Variants in LSAMP observed in about 807,000 individuals in gnomAD.
LSAMP encodes the protein limbic system associated membrane protein, also known as limbic system-associated membrane protein.
LSAMP carries 7 observed loss-of-function variants against 38.6 expected under a neutral mutation model. The observed-to-expected ratio is 0.18, with a 90% CI of 0.10 to 0.34. The LOEUF (loss-of-function observed/expected upper bound fraction) is 0.34. Ranked by LOEUF, LSAMP falls within the 10% of genes least tolerant of loss-of-function variation. The probability of loss-of-function intolerance (pLI) is 1.00; values close to 1 mark genes in which losing one functional copy is unlikely to be tolerated. For synonymous variants in LSAMP, 154 were observed against 166.8 expected, an observed-to-expected ratio of 0.92 and a Z score of 0.59; for missense variants, 313 against 420.0, an observed-to-expected ratio of 0.75 and a Z score of 2.23.
intron 1 of LSAMP, among the ~76,000 whole-genome samples, chr3:116,252,308 T>C (rs1373814389): frequency 6.6e-6 from 1 of 152,206 alleles, no homozygotes; most frequent in Non-Finnish European, 1.5e-5. Flanking sequence ...TGAAATGTGC[T>C]GGAGAAAGAA....
chr3:115,835,667 T>A (rs532025678), intron 6 of LSAMP, among the ~76,000 whole-genome samples: 2 of 152,222 alleles, frequency 1.3e-5, no homozygotes, highest in Non-Finnish European at 2.9e-5. Flanking sequence ...CCTACCATCT[T>A]GTGCCTTATG....
intron 1 of LSAMP, among the ~76,000 whole-genome samples, chr3:116,303,342 T>TAAAC (rs1334530868): frequency 6.6e-6 from 1 of 152,230 alleles, no homozygotes; most frequent in Non-Finnish European, 1.5e-5. Flanking sequence ...CTTCGGATTG[T>TAAAC]AAACATTGAA....
intron 3 of LSAMP, among the ~76,000 whole-genome samples, chr3:116,011,014 T>C (rs1940308148): frequency 6.9e-6 from 1 of 144,608 alleles, no homozygotes; most frequent in South Asian, 2.1e-4. Context: ...TAGTTTATGC[T>C]TTTTTTTGAG....
chr3:116,017,951 G>A (rs1940531870), intron 3 of LSAMP, among the ~76,000 whole-genome samples: 1 of 152,056 alleles, frequency 6.6e-6, no homozygotes, highest in Admixed American at 6.6e-5. Flanking sequence ...AGGTGGCATG[G>A]GATTGGAGCC....
chr3:116,250,096 T>C (rs2046659898), intron 1 of LSAMP, among the ~76,000 whole-genome samples: 2 of 152,320 alleles, frequency 1.3e-5, no homozygotes, highest in South Asian at 4.1e-4. Flanking sequence ...ATTATGTCTT[T>C]TGTTGTCCCA....
At chr3:115,926,831 T>C (rs1319882016) in intron 3 of LSAMP, among the ~76,000 whole-genome samples, 1 of 152,212 alleles carries the variant, frequency 6.6e-6, no homozygotes, top group African/African-American at 2.4e-5. Flanking sequence ...AATAGGACCA[T>C]CTCCCATCTC....
chr3:116,378,450 C>T (rs1403827715), intron 1 of LSAMP, among the ~76,000 whole-genome samples: 1 of 152,084 alleles, frequency 6.6e-6, no homozygotes, highest in Non-Finnish European at 1.5e-5. Context: ...AAACATCTCT[C>T]TCTCAAAGAG....
At chr3:115,923,416 G>A (rs533019498) in intron 3 of LSAMP, among the ~76,000 whole-genome samples, 1 of 152,262 alleles carries the variant, frequency 6.6e-6, no homozygotes, top group Admixed American at 6.5e-5. Context: ...CACCTATGGT[G>A]GTGCAACTTC....
chr3:116,440,028 T>C (rs1042951626), intron 1 of LSAMP, among the ~76,000 whole-genome samples: 1 of 152,244 alleles, frequency 6.6e-6, no homozygotes, highest in Admixed American at 6.5e-5. Context: ...GCTGACAGTT[T>C]CAGCATTTTG....
rs200802271 is a variant in LSAMP, at chr3:116,228,443, CA to C, written c.156-141888del. Among the ~76,000 whole-genome samples the C allele has an allele frequency of 6.5e-3, 993 of 152,090 alleles. 12 individuals carry two copies. The highest frequency in any genetic ancestry group is 0.023 in the African/African-American group (947 of 41,516). On this transcript the variant is annotated intron_variant, in intron 1 of 6. Transcript: ENST00000490035. ...AATGCCCAATCATGTCAACCTTAGACAAAATCACTAAATTCTCTGGATATCA... is the reference window on the plus strand; with the variant it reads ...AATGCCCAATCATGTCAACCTTAGACAAATCACTAAATTCTCTGGATATCA...
In LSAMP at chr3:115,867,783, C is replaced by G. The variant is rs1370957184; in HGVS notation, c.515-15166G>C. Among the ~76,000 whole-genome samples the G allele has an allele frequency of 2.6e-5, 4 of 152,072 alleles. No homozygotes were observed. The East Asian group carries it at 7.7e-4, about 29-fold the overall frequency. On this transcript the variant is annotated intron_variant, in intron 3 of 6. Coordinates refer to ENST00000490035, the MANE Select transcript of LSAMP (RefSeq NM_002338.5). The stretch of plus-strand genomic sequence containing the variant: ...AGAGATTTGTTTTGGTTGGTTGAGT[C>G]TAAAGTCTATTTGCTAAGAGACTTC...
intron 1 of LSAMP, among the ~76,000 whole-genome samples, chr3:116,097,935 A>G (rs1325944310): frequency 2.0e-5 from 3 of 151,922 alleles, no homozygotes; most frequent in Non-Finnish European, 2.9e-5. Flanking sequence ...GGGTTTCACT[A>G]TGTTGGTCAG....
intron 1 of LSAMP, among the ~76,000 whole-genome samples, chr3:116,087,894 GA>G (rs1465444879): frequency 1.3e-4 from 19 of 150,354 alleles, no homozygotes; most frequent in East Asian, 7.8e-4. Context: ...TTTAGAGGGA[GA>G]TTTTTTTTTT....
intron 1 of LSAMP, among the ~76,000 whole-genome samples, chr3:116,277,323 T>C (rs2047068499): frequency 6.6e-6 from 1 of 152,076 alleles, no homozygotes; most frequent in South Asian, 2.1e-4. Context: ...TGTTTGGTCC[T>C]AATAATTGTT....
At chr3:116,037,533 AATAAC>A (rs1169962242) in intron 2 of LSAMP, among the ~76,000 whole-genome samples, 1 of 152,172 alleles carries the variant, frequency 6.6e-6, no homozygotes, top group African/African-American at 2.4e-5. Flanking sequence ...AAGAGATAAA[AATAAC>A]ATTCCAATTT....
chr3:115,898,298 C>T (rs1222416918), intron 3 of LSAMP, among the ~76,000 whole-genome samples: 2 of 152,084 alleles, frequency 1.3e-5, no homozygotes, highest in Admixed American at 6.6e-5. Flanking sequence ...TTAATGTGAG[C>T]TGTACATTTC....
At chr3:116,286,535 A>C (rs2047196297) in intron 1 of LSAMP, among the ~76,000 whole-genome samples, 2 of 152,126 alleles carry the variant, frequency 1.3e-5, no homozygotes, top group African/African-American at 4.8e-5. Context: ...ATGTCCTCAG[A>C]TGAGGCTTCT....
At position 116,147,253 on chromosome 3, in the gene LSAMP, C is replaced by T. The variant is rs192221575; in HGVS notation, c.156-60697G>A. On this transcript the variant is annotated intron_variant, in intron 1 of 6. Coordinates refer to ENST00000490035, the MANE Select transcript of LSAMP (RefSeq NM_002338.5). ...AGCATGTGATGTGCTTATCCACATTCCTGTTACACACATCATCTCTGTGTT... is the reference window on the plus strand; with the variant it reads ...AGCATGTGATGTGCTTATCCACATTTCTGTTACACACATCATCTCTGTGTT... Among the ~76,000 whole-genome samples, 463 of 152,008 alleles carry T rather than the reference C, an allele frequency of 3.0e-3. 1 individual carries two copies. The highest frequency in any genetic ancestry group is 4.7e-3 in the Non-Finnish European group (317 of 67,892).
chr3:116,098,278 C>T (rs1052387680), intron 1 of LSAMP, among the ~76,000 whole-genome samples: 4 of 152,006 alleles, frequency 2.6e-5, no homozygotes, highest in Admixed American at 2.6e-4. Context: ...GCAGGAGGAT[C>T]ACCTGAGATC....
Sources: gnomAD v4.1 joint callset for allele counts (sites outside exome capture counted in the v4.1 genomes callset) on GRCh38, gnomAD v4.1.1 for gene constraint, MANE v1.5 for transcripts, NCBI Gene and HGNC (gene_info 2026-07-23, HGNC 2026-07-21) for gene names.